Variants in DMAC2 observed in about 807,000 individuals in gnomAD.
DMAC2 encodes the protein distal membrane arm assembly component 2, also known as distal membrane-arm assembly complex protein 2.
In DMAC2, 32 loss-of-function variants were observed where a neutral mutation model predicts 29.6. The ratio of observed to expected loss-of-function variants is 1.08; its 90% CI spans 0.81 to 1.45. DMAC2 has a LOEUF of 1.45. Among genes scored for constraint, DMAC2 ranks in the 40% most tolerant of loss-of-function variants. DMAC2 has a pLI of 0.00. For missense variants in DMAC2, 319 were observed against 340.0 expected, an observed-to-expected ratio of 0.94 and a Z score of 0.49; for synonymous variants, 133 against 137.4, an observed-to-expected ratio of 0.97 and a Z score of 0.23.
intron 5 of DMAC2, chr19:41,432,618 ATGTG>A (rs146967268): frequency 2.4e-4 from 76 of 318,020 alleles, no homozygotes; most frequent in Non-Finnish European, 2.5e-4. Flanking sequence ...TAAGGACAGC[ATGTG>A]TGTGTGTGTG....
intron 1 of DMAC2, chr19:41,439,230 A>C: frequency 2.3e-6 from 1 of 436,032 alleles, no homozygotes; most frequent in Non-Finnish European, 4.1e-6. Flanking sequence ...TTTTTTTTTC[A>C]AATTATCTCG....
chr19:41,435,073 T>C (rs368684949), intron 3 of DMAC2, among the ~76,000 whole-genome samples: 9 of 152,174 alleles, frequency 5.9e-5, no homozygotes, highest in Middle Eastern at 3.4e-3. Flanking sequence ...AAATCACAGT[T>C]AATCTCTCAC....
At position 41,433,623 on chromosome 19, in the gene DMAC2, T is replaced by G; in HGVS notation, c.347A>C (p.Gln116Pro). 4 of 1,614,198 alleles carry G rather than the reference T, an allele frequency of 2.5e-6. No individual in the cohort carries two copies. Among genetic ancestry groups the G allele is most frequent in the Non-Finnish European group, 3.4e-6 (4 of 1,180,018 alleles). The change falls in exon 4 of 6, where the codon CAG (glutamine) becomes CCG (proline). Residue 116 changes from glutamine (Q) to proline (P), a missense_variant. Coordinates refer to ENST00000221943, the MANE Select transcript of DMAC2 (RefSeq NM_018035.3). ...CACTTCACAGAAATTCCAGAACTCC[T>G]GAGAGAAATGGCCATACTTATCTGG... ...IRPDKYGHFS[Q>P]EFWNFCEVPV...
chr19:41,439,523 C>T, intron 1 of DMAC2: 2 of 1,537,146 alleles, frequency 1.3e-6, no homozygotes, highest in Non-Finnish European at 1.7e-6. Flanking sequence ...CGAACAATCC[C>T]TTCCAAGCTC....
intron 1 of DMAC2, chr19:41,439,610 C>A: frequency 1.3e-6 from 2 of 1,495,078 alleles, no homozygotes; most frequent in Non-Finnish European, 1.8e-6. Context: ...TTAGTCGCGT[C>A]GCTCTTCGGC....
chr19:41,432,474 A>T, intron 5 of DMAC2, 66 bp from the exon 6 acceptor site: 1 of 1,522,042 alleles, frequency 6.6e-7, no homozygotes, highest in Non-Finnish European at 9.0e-7. Flanking sequence ...GTAGGGAGGT[A>T]CAGGACAGCG....
At chr19:41,437,500 A>G (rs1357601063) in intron 2 of DMAC2, among the ~76,000 whole-genome samples, 1 of 152,180 alleles carries the variant, frequency 6.6e-6, no homozygotes, top group Non-Finnish European at 1.5e-5. Context: ...GGAGTTCGAG[A>G]GCAGCCTCGC....
In DMAC2 at chr19:41,439,863, A is replaced by G. The variant is rs200982360; in HGVS notation, c.18+19T>C. On this transcript the variant is annotated intron_variant, in intron 1 of 5. Transcript: ENST00000221943. ...GAGCGGACTTCAAATTTGGGGCTCTAGGAACTCCGGTCACTTACCGCCCAG... is the reference window on the plus strand; with the variant it reads ...GAGCGGACTTCAAATTTGGGGCTCTGGGAACTCCGGTCACTTACCGCCCAG... 4.3e-6 allele frequency: 7 copies of G among 1,614,162 alleles called. No homozygotes were observed. The East Asian group carries it at 1.3e-4, about 31-fold the overall frequency.
rs2039537297 is a variant in DMAC2 at position 41,432,046 on chromosome 19, G to C, written c.*185C>G. 6.0e-6 allele frequency: 4 copies of C among 666,008 alleles called. No homozygotes were observed. The highest frequency in any genetic ancestry group is 1.0e-5 in the Non-Finnish European group (4 of 396,632). The allele number at this position is 666,008 out of a possible 1,614,324, so 41.3% of individuals were successfully genotyped here. On this transcript the variant is annotated 3_prime_UTR_variant, in exon 6 of 6. Transcript: ENST00000221943. Reference sequence around the variant, plus strand: ...GCTGCCTGACAGGGTGACAGGAGCTGTGACCTTTAGCCAAGGGCAGCCAGG... The same window carrying C: ...GCTGCCTGACAGGGTGACAGGAGCTCTGACCTTTAGCCAAGGGCAGCCAGG...
chr19:41,431,942 A>G lies in DMAC2; in HGVS notation c.*289T>C. On this transcript the variant is annotated 3_prime_UTR_variant, in exon 6 of 6. Coordinates refer to ENST00000221943, the MANE Select transcript of DMAC2 (RefSeq NM_018035.3). ...AGGACAGTTTGAGAAGAGTCTCCTG[A>G]CAAGGTGAGTGTGGCTCTCTGCGGC... The G allele has an allele frequency of 2.1e-6, 1 of 483,388 alleles. No individual in the cohort carries two copies. The highest frequency in any genetic ancestry group is 2.5e-5 in the South Asian group (1 of 39,650). 29.9% of individuals were successfully genotyped at this position (483,388 alleles called of 1,614,324 possible).
At position 41,433,684 on chromosome 19, in the gene DMAC2, G is replaced by A; in HGVS notation, c.297-11C>T. On this transcript the variant is annotated splice_polypyrimidine_tract_variant and intron_variant, in intron 3 of 5. Transcript: ENST00000221943. ...TCCTTGTCTCGAAACCTGGAAACGG[G>A]AAAGGGAGTGTCAGCAGGGCACCTG... The A allele has an allele frequency of 5.0e-6, 8 of 1,614,158 alleles. No homozygotes were observed. Among genetic ancestry groups the A allele is most frequent in the Non-Finnish European group, 6.8e-6 (8 of 1,179,984 alleles).
chr19:41,432,624 G>T, intron 5 of DMAC2: 5 of 562,110 alleles, frequency 8.9e-6, no homozygotes, highest in East Asian at 6.7e-5. Context: ...CAGCATGTGT[G>T]TGTGTGTGTG....
intron 5 of DMAC2, 54 bp from the exon 6 acceptor site, chr19:41,432,462 G>A: frequency 6.4e-7 from 1 of 1,562,144 alleles, no homozygotes; most frequent in East Asian, 2.2e-5. Flanking sequence ...ATGTGTGTGT[G>A]TGTAGGGAGG....
At position 41,433,382 on chromosome 19, in the gene DMAC2, G is replaced by A. The variant is rs555101845; in HGVS notation, c.486C>T (p.Asp162=). The part of the protein sequence containing the change: ...SLSLQRCCHV[D]DWCLSRLYPL... ...GGTAGAGGCGGCTGAGACACCAGTCGTCCACGTGGCAGCAGCGCTGCAGCG... is the reference window on the plus strand; with the variant it reads ...GGTAGAGGCGGCTGAGACACCAGTCATCCACGTGGCAGCAGCGCTGCAGCG... The change falls in exon 5 of 6, where the codon GAC becomes GAT. Residue 162 remains aspartate, a synonymous_variant. Coordinates refer to ENST00000221943, the MANE Select transcript of DMAC2 (RefSeq NM_018035.3). The A allele has an allele frequency of 2.0e-5, 33 of 1,613,180 alleles. No individual in the cohort carries two copies. Among genetic ancestry groups the A allele is most frequent in the East Asian group, 1.6e-4 (7 of 44,878 alleles).
In DMAC2 at chr19:41,436,383, C is replaced by T. The variant is rs782750934; in HGVS notation, c.296+9G>A. ...GCCCCAGCCCGTTCTAACACCTTAG[C>T]GGTCATACTTGACTGCGCCTCCCTG... On this transcript the variant is annotated intron_variant, in intron 3 of 5. Transcript: ENST00000221943. 12 of 1,613,358 alleles carry T rather than the reference C, an allele frequency of 7.4e-6. No homozygotes were observed. The highest frequency in any genetic ancestry group is 9.3e-6 in the Non-Finnish European group (11 of 1,179,316).
intron 1 of DMAC2, chr19:41,439,296 A>C: frequency 1.9e-6 from 1 of 530,222 alleles, no homozygotes; most frequent in South Asian, 2.7e-5. Flanking sequence ...CAACCTCTTT[A>C]ATTTTCCCTA....
At chr19:41,434,397 C>CAAAAAAAAA (rs1160927067) in intron 3 of DMAC2, among the ~76,000 whole-genome samples, 1 of 63,280 alleles carries the variant, frequency 1.6e-5, no homozygotes, top group African/African-American at 6.6e-5. Flanking sequence ...GACCCTATCT[C>CAAAAAAAAA]AAAAAAAAAA....
intron 3 of DMAC2, among the ~76,000 whole-genome samples, chr19:41,433,999 G>A (rs1467154753): frequency 1.3e-5 from 2 of 152,108 alleles, no homozygotes; most frequent in Admixed American, 6.5e-5. Context: ...TTTGGGAGCC[G>A]AGGTGGGCGG....
Position 41,432,286 on chromosome 19 carries a change from A to G in DMAC2, c.719T>C (p.Leu240Pro). The G allele has an allele frequency of 2.5e-6, 4 of 1,614,152 alleles. No individual in the cohort carries two copies. Among genetic ancestry groups the G allele is most frequent in the Non-Finnish European group, 3.4e-6 (4 of 1,180,012 alleles). ...AGGCTGCTCCTCCGGCCCTGACTTCAGGCCCTCAGCCCAGTCGACTCCCAC... is the reference window on the plus strand; with the variant it reads ...AGGCTGCTCCTCCGGCCCTGACTTCGGGCCCTCAGCCCAGTCGACTCCCAC... ...EVVGVDWAEG[L>P]KSGPEEQPRD... The change falls in exon 6 of 6, where the codon CTG (leucine) becomes CCG (proline). Residue 240 changes from leucine to proline, a missense_variant. Leu to Pro is a moderately conservative substitution (Grantham distance 98). Transcript: ENST00000221943.
Sources: gnomAD v4.1 joint callset for allele counts (sites outside exome capture counted in the v4.1 genomes callset) on GRCh38, gnomAD v4.1.1 for gene constraint, MANE v1.5 for transcripts, NCBI Gene and HGNC (gene_info 2026-07-23, HGNC 2026-07-21) for gene names.